The following BCAS3 variants were observed in gnomAD, a reference collection of about 807,000 sequenced individuals.
The protein encoded by BCAS3 is BCAS4/BCAS3 fusion.
A neutral mutation model predicts 116.1 loss-of-function variants in BCAS3; 53 were observed. That is an observed-to-expected ratio of 0.46 (90% CI 0.37 to 0.57). The LOEUF (loss-of-function observed/expected upper bound fraction) is 0.57. Ranked by LOEUF, BCAS3 falls within the 20% of genes least tolerant of loss-of-function variation. BCAS3 has a pLI of 0.00. For synonymous variants in BCAS3, 391 were observed against 408.2 expected (o/e 0.96, Z 0.51); for missense variants, 917 against 1,165.4 (o/e 0.79, Z 3.10).
chr17:60,692,048 G>GT (rs1223643789), intron 4 of BCAS3, among the ~76,000 whole-genome samples: 3 of 144,576 alleles, frequency 2.1e-5, no homozygotes, highest in African/African-American at 7.9e-5. Context: ...GTGAAACTCT[G>GT]TCTCAAAAAA....
intron 8 of BCAS3, among the ~76,000 whole-genome samples, chr17:60,871,754 C>G (rs1257623419): frequency 6.6e-6 from 1 of 151,900 alleles, no homozygotes; most frequent in Non-Finnish European, 1.5e-5. Flanking sequence ...GGGTAATTAT[C>G]TATAATCCTT....
intron 5 of BCAS3, among the ~76,000 whole-genome samples, chr17:60,740,255 G>A (rs1324411268): frequency 1.3e-5 from 2 of 152,030 alleles, no homozygotes; most frequent in African/African-American, 4.8e-5. Context: ...AGCAGTTTGG[G>A]AGAGTGAGGC....
intron 8 of BCAS3, among the ~76,000 whole-genome samples, chr17:60,872,094 T>C (rs777457937): frequency 1.3e-5 from 2 of 152,036 alleles, no homozygotes; most frequent in Admixed American, 6.5e-5. Context: ...ACTATACGTA[T>C]GGTATGTATT....
Position 61,087,365 on chromosome 17 carries a change from G to A in BCAS3, c.2425+2801G>A, listed in dbSNP as rs1210957051. On this transcript the variant is annotated intron_variant, in intron 22 of 23. Coordinates refer to ENST00000407086, the MANE Select transcript of BCAS3 (RefSeq NM_017679.5). The surrounding 1 kb of genome is among the most constrained non-coding windows in gnomAD (Gnocchi z 4.6). The stretch of plus-strand genomic sequence containing the variant: ...ATGTTACACCTAACCCTCTATTTTA[G>A]TGACAGCTCTTGCTCTGTCTAACCT... The A allele has an allele frequency of 3.8e-6, 1 of 264,814 alleles. No homozygotes were observed. The highest frequency in any genetic ancestry group is 5.8e-6 in the Non-Finnish European group (1 of 171,392). 16.4% of individuals were successfully genotyped at this position (264,814 alleles called of 1,614,324 possible).
intron 22 of BCAS3, among the ~76,000 whole-genome samples, chr17:61,125,744 A>G (rs2076017003): frequency 1.3e-5 from 2 of 152,176 alleles, no homozygotes; most frequent in African/African-American, 4.8e-5. Context: ...TTAATGTTCA[A>G]CCAGACTTTT....
chr17:61,316,631 A>G lies in BCAS3; in HGVS notation c.2426-51696A>G, dbSNP rs1435874713. Among the ~76,000 whole-genome samples the G allele has an allele frequency of 2.0e-5, 3 of 152,154 alleles. No individual in the cohort carries two copies. The East Asian group carries it at 5.8e-4, about 29-fold the overall frequency. On this transcript the variant is annotated intron_variant, in intron 22 of 23. Transcript: ENST00000407086. This position sits in a 1 kb window ranked among gnomAD's most constrained non-coding sequence, Gnocchi z 5.8. ...CAGCTGGTATCTGATAAAATAAAGG[A>G]AAGGTTAGAGGGAGGGAGAGAGGGA...
intron 19 of BCAS3, among the ~76,000 whole-genome samples, chr17:61,044,465 A>AAAAAAAAAAATATATATATATATATAT: frequency 6.7e-5 from 8 of 120,098 alleles, no homozygotes; most frequent in African/African-American, 3.5e-4. Context: ...AAAAAAAAAA[A>AAAAAAAAAAATATATATATATATATAT]ATATATATAT....
At position 61,029,378 on chromosome 17, in the gene BCAS3, C is replaced by T. The variant is rs1471559446; in HGVS notation, c.1638-5288C>T. 2.0e-5 allele frequency among the ~76,000 whole-genome samples: 3 copies of T among 151,876 alleles called. No homozygotes were observed. Among genetic ancestry groups the T allele is most frequent in the South Asian group, 2.1e-4 (1 of 4,824 alleles). ...TGTTGGAAAGTAAACTATGCATCTTCAACATTTTAGTCACTTTGGACTTCC... is the reference window on the plus strand; with the variant it reads ...TGTTGGAAAGTAAACTATGCATCTTTAACATTTTAGTCACTTTGGACTTCC... On this transcript the variant is annotated intron_variant, in intron 16 of 23. Coordinates refer to ENST00000407086, the MANE Select transcript of BCAS3 (RefSeq NM_017679.5). The surrounding 1 kb of genome is among the most constrained non-coding windows in gnomAD (Gnocchi z 5.2).
chr17:61,291,076 G>A lies in BCAS3; in HGVS notation c.2426-77251G>A, dbSNP rs890482597. On this transcript the variant is annotated intron_variant, in intron 22 of 23. Transcript: ENST00000407086. ...ATTACAGACGTGAGCCACCGCGCCC[G>A]GCCTAGTTTGCCTATTTTAGCCAAG... 4.6e-5 allele frequency among the ~76,000 whole-genome samples: 7 copies of A among 152,120 alleles called. No homozygotes were observed. In the East Asian group the frequency reaches 1.2e-3, roughly 25 times the overall value.
rs1054966716 is a variant in BCAS3 at position 60,693,051 on chromosome 17, T to A, written c.214+3290T>A. Among the ~76,000 whole-genome samples the A allele has an allele frequency of 1.1e-4, 17 of 151,756 alleles. 1 individual carries two copies. The highest frequency in any genetic ancestry group is 4.1e-4 in the African/African-American group (17 of 41,130). ...GAGGTTGCCCGGCTAATTTTTTGTA[T>A]TTTTAGGAGAAACAGGGTTTCACCA... On this transcript the variant is annotated intron_variant, in intron 4 of 23. Coordinates refer to ENST00000407086, the MANE Select transcript of BCAS3 (RefSeq NM_017679.5).
intron 5 of BCAS3, among the ~76,000 whole-genome samples, chr17:60,732,797 C>T (rs1311579025): frequency 2.6e-5 from 4 of 152,132 alleles, no homozygotes; most frequent in African/African-American, 9.7e-5. Flanking sequence ...CAAGATCGCA[C>T]CATTGCACTC....
chr17:60,947,786 G>A (rs979208228), intron 14 of BCAS3, among the ~76,000 whole-genome samples: 1 of 152,110 alleles, frequency 6.6e-6, no homozygotes, highest in Non-Finnish European at 1.5e-5. Flanking sequence ...TGATGAATAT[G>A]GATATATGAA....
Position 60,950,597 on chromosome 17 carries a change from T to C in BCAS3, c.1221+3245T>C, listed in dbSNP as rs553409668. Reference sequence around the variant, plus strand: ...CAGTGTTGACATAAGCCACTGCATATTGCCTTGTAACTAATTTTTTAAAAG... The same window carrying C: ...CAGTGTTGACATAAGCCACTGCATACTGCCTTGTAACTAATTTTTTAAAAG... On this transcript the variant is annotated intron_variant, in intron 14 of 23. Coordinates refer to ENST00000407086, the MANE Select transcript of BCAS3 (RefSeq NM_017679.5). Among the ~76,000 whole-genome samples, 3 of 152,322 alleles carry C rather than the reference T, an allele frequency of 2.0e-5. No individual in the cohort carries two copies. The East Asian group carries it at 5.8e-4, about 29-fold the overall frequency.
chr17:61,006,857 T>C (rs1453656678), intron 15 of BCAS3, among the ~76,000 whole-genome samples: 2 of 152,056 alleles, frequency 1.3e-5, no homozygotes, highest in Non-Finnish European at 2.9e-5. Flanking sequence ...TTCTTCCCTC[T>C]TGTGTTAAAT....
chr17:60,938,671 T>C (rs965660782), intron 13 of BCAS3, among the ~76,000 whole-genome samples: 1 of 151,536 alleles, frequency 6.6e-6, no homozygotes, highest in East Asian at 1.9e-4. Context: ...TGTTAAATAG[T>C]GAAAAGCCAT....
At position 61,106,937 on chromosome 17, in the gene BCAS3, G is replaced by A. The variant is rs1013532045; in HGVS notation, c.2425+22373G>A. Reference sequence around the variant, plus strand: ...AGTGGAAATTCTGGGTCCAGAATACGTATATTTTTAAGTCACTTTATGTTT... The same window carrying A: ...AGTGGAAATTCTGGGTCCAGAATACATATATTTTTAAGTCACTTTATGTTT... On this transcript the variant is annotated intron_variant, in intron 22 of 23. Transcript: ENST00000407086. This position sits in a 1 kb window ranked among gnomAD's most constrained non-coding sequence, Gnocchi z 4.2. Among the ~76,000 whole-genome samples the A allele has an allele frequency of 3.3e-5, 5 of 152,080 alleles. No homozygotes were observed. Among genetic ancestry groups the A allele is most frequent in the African/African-American group, 7.2e-5 (3 of 41,408 alleles).
chr17:60,721,255 T>G lies in BCAS3; in HGVS notation c.321+11930T>G, dbSNP rs1039234017. On this transcript the variant is annotated intron_variant, in intron 5 of 23. Coordinates refer to ENST00000407086, the MANE Select transcript of BCAS3 (RefSeq NM_017679.5). ...ATGAAGTCCAGTGAAAAAAATTGCC[T>G]TTGTTGAGAATAGGACCTTATTTTG... Among the ~76,000 whole-genome samples, 2 of 152,080 alleles carry G rather than the reference T, an allele frequency of 1.3e-5. 1 individual carries two copies. Among genetic ancestry groups the G allele is most frequent in the South Asian group, 4.1e-4 (2 of 4,824 alleles).
chr17:61,310,678 C>T (rs1198834310), intron 22 of BCAS3, among the ~76,000 whole-genome samples: 2 of 152,076 alleles, frequency 1.3e-5, no homozygotes, highest in African/African-American at 2.4e-5. Context: ...AGCTATGAAC[C>T]AAAAATTAGA....
chr17:60,688,831 GAA>G (rs2034440340), intron 3 of BCAS3: 1 of 149,152 alleles, frequency 6.7e-6, no homozygotes, highest in African/African-American at 2.5e-5. Context: ...AAAAAAAAAA[GAA>G]AGAAAAAAAC....
Sources: allele counts gnomAD v4.1 joint callset (sites outside exome capture counted in the v4.1 genomes callset), GRCh38; gene constraint gnomAD v4.1.1; non-coding constraint Gnocchi (gnomAD v3.1); transcripts MANE v1.5; gene names NCBI Gene and HGNC (gene_info 2026-07-23, HGNC 2026-07-21).